Variants in GPATCH8 observed in about 807,000 individuals in gnomAD.
The protein encoded by GPATCH8 is G-patch domain containing 8.
GPATCH8 carries 18 observed loss-of-function variants against 118.3 expected under a neutral mutation model. The observed-to-expected ratio is 0.15, with a 90% CI of 0.11 to 0.23. GPATCH8 has a LOEUF of 0.23. GPATCH8 is among the 10% of genes least tolerant of loss of function. The probability of loss-of-function intolerance (pLI) is 1.00; values close to 1 mark genes in which losing one functional copy is unlikely to be tolerated. For missense variants in GPATCH8, 1,631 were observed against 1,873.8 expected (o/e 0.87, Z 2.39); for synonymous variants, 659 against 684.7 (o/e 0.96, Z 0.59).
chr17:44,423,568 T>C (rs2049988554), intron 6 of GPATCH8, among the ~76,000 whole-genome samples: 1 of 152,180 alleles, frequency 6.6e-6, no homozygotes, highest in African/African-American at 2.4e-5. Context: ...ACAACTATTG[T>C]ACCCCCCAAA....
rs1189832548 is a variant in GPATCH8 at position 44,424,464 on chromosome 17, G to A, written c.377C>T (p.Ala126Val). Residue 126 changes from alanine to valine, a missense_variant, in exon 6 of 8, where the codon GCC becomes GTC. Ala to Val is a moderately conservative substitution (Grantham distance 64). Around this residue, in one of 8 missense-constraint regions of GPATCH8, gnomAD observed 81 missense variants for 227.6 expected, o/e 0.36. Coordinates refer to ENST00000591680, the MANE Select transcript of GPATCH8 (RefSeq NM_001002909.4). ...KDYVDKEKAI[A>V]KALEDLRANF... ...GGCTCTGAGGTCTTCCAAGGCTTTG[G>A]CAATTGCCTTCTCTTTGTCAACATA... 1 of 1,606,920 alleles carries A rather than the reference G, an allele frequency of 6.2e-7. No homozygotes were observed. Among genetic ancestry groups the A allele is most frequent in the Non-Finnish European group, 8.5e-7 (1 of 1,173,584 alleles).
intron 3 of GPATCH8, among the ~76,000 whole-genome samples, chr17:44,437,214 T>C (rs926465088): frequency 2.6e-5 from 4 of 152,212 alleles, no homozygotes; most frequent in Admixed American, 2.0e-4. Context: ...TTTCCTAGAG[T>C]GGATTTAACA....
intron 7 of GPATCH8, among the ~76,000 whole-genome samples, chr17:44,405,605 C>T (rs911105560): frequency 6.6e-5 from 10 of 150,574 alleles, no homozygotes; most frequent in Admixed American, 3.3e-4. Flanking sequence ...CTCAGGTTCA[C>T]GCCATTCTCC....
At chr17:44,442,344 ATGC>A (rs199817593) in intron 3 of GPATCH8, among the ~76,000 whole-genome samples, 3,022 of 152,230 alleles carry the variant, frequency 0.02, 108 homozygotes, top group African/African-American at 0.069. Flanking sequence ...TGTGAAGCTA[ATGC>A]ATAAGCAGTT....
intron 3 of GPATCH8, among the ~76,000 whole-genome samples, chr17:44,441,909 TC>T (rs2050703670): frequency 6.6e-6 from 1 of 151,244 alleles, no homozygotes; most frequent in Non-Finnish European, 1.5e-5. Context: ...ATGCCTGTAA[TC>T]CTAGCTACTT....
intron 3 of GPATCH8, among the ~76,000 whole-genome samples, chr17:44,462,976 A>G (rs539202632): frequency 2.3e-5 from 3 of 129,822 alleles, no homozygotes; most frequent in East Asian, 4.3e-4. Flanking sequence ...GCGAGACTCC[A>G]CTTCAAAATA....
chr17:44,492,922 C>T (rs1969371181), intron 1 of GPATCH8, among the ~76,000 whole-genome samples: 1 of 152,098 alleles, frequency 6.6e-6, no homozygotes, highest in Non-Finnish European at 1.5e-5. Flanking sequence ...ATCAGGTACT[C>T]ACTAATGTTT....
chr17:44,408,058 G>T (rs996304409), intron 6 of GPATCH8, among the ~76,000 whole-genome samples: 2 of 152,112 alleles, frequency 1.3e-5, no homozygotes, highest in African/African-American at 2.4e-5. Context: ...GGGGCAGAAA[G>T]AAAAGGCTTA....
chr17:44,445,568 C>T (rs1040057022), intron 3 of GPATCH8, among the ~76,000 whole-genome samples: 2 of 151,748 alleles, frequency 1.3e-5, no homozygotes, highest in African/African-American at 2.4e-5. Flanking sequence ...TGCAACAGCG[C>T]GATCTCGGCT....
At position 44,464,888 on chromosome 17, in the gene GPATCH8, G is replaced by A. The variant is rs575579631; in HGVS notation, c.121-344C>T. On this transcript the variant is annotated intron_variant, in intron 2 of 7. Transcript: ENST00000591680. ...TAACACTAAAAAGCATAAAATCAAGGTACTTATACAGTCATATCCACCACC... is the reference window on the plus strand; with the variant it reads ...TAACACTAAAAAGCATAAAATCAAGATACTTATACAGTCATATCCACCACC... 5.3e-4 allele frequency: 153 copies of A among 291,052 alleles called. 4 individuals are homozygous for A. Among genetic ancestry groups the A allele is most frequent in the South Asian group, 5.2e-3 (150 of 28,682 alleles). 18.0% of individuals were successfully genotyped at this position (291,052 alleles called of 1,614,324 possible). A position where few individuals can be genotyped will look rare whatever the true frequency, so the allele number is the denominator to read the frequency against.
chr17:44,492,612 G>A (rs999866266), intron 1 of GPATCH8, among the ~76,000 whole-genome samples: 3 of 151,674 alleles, frequency 2.0e-5, no homozygotes, highest in Non-Finnish European at 4.4e-5. Context: ...AAGAGGGGGA[G>A]ATACCACCAC....
intron 7 of GPATCH8, among the ~76,000 whole-genome samples, chr17:44,403,961 T>C (rs2049124785): frequency 6.6e-6 from 1 of 152,228 alleles, no homozygotes; most frequent in Non-Finnish European, 1.5e-5. Flanking sequence ...CCCAAAGTGC[T>C]GGGATTACAG....
At chr17:44,449,352 C>T (rs2051027164) in intron 3 of GPATCH8, among the ~76,000 whole-genome samples, 1 of 152,000 alleles carries the variant, frequency 6.6e-6, no homozygotes, top group Non-Finnish European at 1.5e-5. Context: ...TGGTCAGAAT[C>T]GACATTAAAT....
At chr17:44,463,913 G>T (rs922675095) in intron 3 of GPATCH8, among the ~76,000 whole-genome samples, 1 of 152,072 alleles carries the variant, frequency 6.6e-6, no homozygotes, top group Non-Finnish European at 1.5e-5. Context: ...AGGAACCTGA[G>T]AAATAACCTC....
chr17:44,400,584 T>G lies in GPATCH8; in HGVS notation c.1493A>C (p.His498Pro), dbSNP rs374613860. The G allele has an allele frequency of 6.2e-7, 1 of 1,614,068 alleles. No individual in the cohort carries two copies. Among genetic ancestry groups the G allele is most frequent in the African/African-American group, 1.3e-5 (1 of 74,932 alleles). Residue 498 changes from histidine to proline, a missense_variant, in exon 8 of 8, where the codon CAT (histidine) becomes CCT (proline). His to Pro is a moderately conservative substitution (Grantham distance 77). Coordinates refer to ENST00000591680, the MANE Select transcript of GPATCH8 (RefSeq NM_001002909.4). ...TTGGGTCTCTGAAACCTTCTGACTA[T>G]GACTTTCTAAACTCTGATCACTTAC... ...GDVSDQSLES[H>P]SQKVSETQMC...
chr17:44,474,022 C>CT (rs1357240987), intron 2 of GPATCH8, among the ~76,000 whole-genome samples: 2 of 152,104 alleles, frequency 1.3e-5, no homozygotes, highest in Non-Finnish European at 2.9e-5. Flanking sequence ...TTAAGATTCC[C>CT]TTTTTGACTT....
At chr17:44,472,991 G>A (rs982063794) in intron 2 of GPATCH8, among the ~76,000 whole-genome samples, 7 of 151,914 alleles carry the variant, frequency 4.6e-5, no homozygotes, top group African/African-American at 1.7e-4. Flanking sequence ...ACCGCACCCG[G>A]CCAGACCCTC....
In GPATCH8 at chr17:44,435,127, C is replaced by T; in HGVS notation, c.286G>A (p.Glu96Lys). The T allele has an allele frequency of 6.6e-7, 1 of 1,505,102 alleles. No homozygotes were observed. Among genetic ancestry groups the T allele is most frequent in the Non-Finnish European group, 9.3e-7 (1 of 1,080,634 alleles). 93.2% of individuals were successfully genotyped at this position (1,505,102 alleles called of 1,614,324 possible). A position where few individuals can be genotyped will look rare whatever the true frequency, so the allele number is the denominator to read the frequency against. The change falls in exon 5 of 8, where the codon GAA becomes AAA. Residue 96 changes from glutamate (E) to lysine (K), a missense_variant. Physicochemically the swap from Glu to Lys is moderately conservative, Grantham distance 56. This residue lies in a region of GPATCH8 where 81 missense variants were observed against 227.6 expected (regional missense o/e 0.36). Coordinates refer to ENST00000591680, the MANE Select transcript of GPATCH8 (RefSeq NM_001002909.4). ...TCTACTTCTAGGACACGGCGCCGTT[C>T]GGTAGCATCTTCAGCATAATCAAGC... ...MELDYAEDATERRRVLEVEKE... is the reference protein window; with the variant it reads ...MELDYAEDATKRRRVLEVEKE...
At chr17:44,436,945 TA>T (rs548866848) in intron 3 of GPATCH8, among the ~76,000 whole-genome samples, 16 of 148,606 alleles carry the variant, frequency 1.1e-4, no homozygotes, top group South Asian at 4.2e-4. Flanking sequence ...TAACCTAGTT[TA>T]AAAAAAAAAA....
Sources: gnomAD v4.1 joint callset for allele counts (sites outside exome capture counted in the v4.1 genomes callset) on GRCh38, gnomAD v4.1.1 for gene constraint, gnomAD v4.1.1 regional missense constraint, MANE v1.5 for transcripts, NCBI Gene and HGNC (gene_info 2026-07-23, HGNC 2026-07-21) for gene names.